Variants in KCNIP4 observed in about 807,000 individuals in gnomAD.
KCNIP4 encodes potassium voltage-gated channel interacting protein 4, also known as Kv channel-interacting protein 4.
In KCNIP4, 12 loss-of-function variants were observed where a neutral mutation model predicts 34.0. The observed-to-expected ratio is 0.35, with a 90% CI of 0.23 to 0.57. The LOEUF is 0.57. Among genes scored for constraint, KCNIP4 ranks in the 20% least tolerant of loss-of-function variants. The pLI, the probability that KCNIP4 is intolerant of heterozygous loss-of-function variation, is 0.83. For missense variants in KCNIP4, 238 were observed against 311.7 expected (o/e 0.76, Z 1.78); for synonymous variants, 124 against 102.2 (o/e 1.21, Z -1.29).
chr4:21,688,639 G>A (rs1042480054), intron 1 of KCNIP4, among the ~76,000 whole-genome samples: 1 of 152,078 alleles, frequency 6.6e-6, no homozygotes, highest in Non-Finnish European at 1.5e-5. Flanking sequence ...GTGTTTAATT[G>A]ATAAAATGCA....
intron 1 of KCNIP4, among the ~76,000 whole-genome samples, chr4:21,733,684 A>G (rs1032709027): frequency 1.3e-5 from 2 of 152,198 alleles, no homozygotes; most frequent in Non-Finnish European, 2.9e-5. Context: ...ACACTTGCTC[A>G]TGAATATCCG....
intron 1 of KCNIP4, among the ~76,000 whole-genome samples, chr4:20,944,434 C>A (rs1731975532): frequency 6.6e-6 from 1 of 152,208 alleles, no homozygotes; most frequent in Non-Finnish European, 1.5e-5. Context: ...TTACACACCC[C>A]TCCATGACTG....
intron 1 of KCNIP4, among the ~76,000 whole-genome samples, chr4:21,278,634 A>G (rs79991996): frequency 0.04 from 6,161 of 152,236 alleles, 399 homozygotes; most frequent in African/African-American, 0.13. Context: ...AAAATGTAGT[A>G]CATATACACC....
intron 1 of KCNIP4, among the ~76,000 whole-genome samples, chr4:21,185,098 G>C (rs1331406795): frequency 6.6e-6 from 1 of 152,106 alleles, no homozygotes; most frequent in Non-Finnish European, 1.5e-5. Context: ...TATTGTATAA[G>C]ACAGAATACA....
intron 1 of KCNIP4, among the ~76,000 whole-genome samples, chr4:21,695,375 C>A (rs1429456610): frequency 6.6e-6 from 1 of 151,684 alleles, no homozygotes. Flanking sequence ...TATGTTACTA[C>A]TTTATGATAA....
chr4:21,139,366 G>C (rs933556735), intron 1 of KCNIP4, among the ~76,000 whole-genome samples: 4 of 152,206 alleles, frequency 2.6e-5, no homozygotes, highest in African/African-American at 9.6e-5. Flanking sequence ...AGTACTTCAG[G>C]TAAAATGGGA....
intron 1 of KCNIP4, among the ~76,000 whole-genome samples, chr4:21,053,558 A>C (rs1743121666): frequency 6.6e-6 from 1 of 152,228 alleles, no homozygotes; most frequent in Admixed American, 6.5e-5. Flanking sequence ...ACACCTTGTA[A>C]ATGAAGAAAT....
chr4:21,714,788 T>C (rs199798774), intron 1 of KCNIP4, among the ~76,000 whole-genome samples: 465 of 2,272 alleles, frequency 0.2, 39 homozygotes, highest in East Asian at 0.41. Context: ...TCCCTTTGAT[T>C]ATTTTATTTT....
chr4:20,813,287 A>G (rs1020117256), intron 3 of KCNIP4, among the ~76,000 whole-genome samples: 6 of 152,192 alleles, frequency 3.9e-5, no homozygotes, highest in African/African-American at 1.2e-4. Flanking sequence ...AAACCTCAAC[A>G]AAGGGGCAAA....
chr4:21,331,541 A>G (rs1297285672), intron 1 of KCNIP4, among the ~76,000 whole-genome samples: 2 of 152,158 alleles, frequency 1.3e-5, no homozygotes, highest in Non-Finnish European at 2.9e-5. Flanking sequence ...TGTATTGAGT[A>G]AGCAAAATTG....
At chr4:21,622,121 T>C (rs566273266) in intron 1 of KCNIP4, among the ~76,000 whole-genome samples, 1 of 152,338 alleles carries the variant, frequency 6.6e-6, no homozygotes, top group Admixed American at 6.5e-5. Flanking sequence ...GATGTATCTT[T>C]AGCCTGGAAT....
At chr4:21,556,920 C>CAAAAAAAAAACAAAAACAAAAAAAAAA (rs1281543089) in intron 1 of KCNIP4, among the ~76,000 whole-genome samples, 2 of 35,664 alleles carry the variant, frequency 5.6e-5, no homozygotes, top group African/African-American at 2.1e-4. Context: ...GACTCCATCT[C>CAAAAAAAAAACAAAAACAAAAAAAAAA]AGAAAAAAAA....
chr4:20,967,628 T>C (rs191469297), intron 1 of KCNIP4, among the ~76,000 whole-genome samples: 3,625 of 152,242 alleles, frequency 0.024, 148 homozygotes, highest in African/African-American at 0.083. Context: ...TAACACCGTA[T>C]GTCTACAACC....
chr4:21,322,800 T>A (rs1475191003), intron 1 of KCNIP4, among the ~76,000 whole-genome samples: 1 of 152,082 alleles, frequency 6.6e-6, no homozygotes, highest in East Asian at 1.9e-4. Flanking sequence ...ATTAAAAATC[T>A]GGTGTCAAAG....
chr4:20,961,642 C>T (rs754472048), intron 1 of KCNIP4, among the ~76,000 whole-genome samples: 4 of 152,052 alleles, frequency 2.6e-5, no homozygotes, highest in African/African-American at 4.8e-5. Flanking sequence ...AACTACAAAG[C>T]GCTGGTGTGG....
At position 21,088,613 on chromosome 4, in the gene KCNIP4, C is replaced by T. The variant is rs183714903; in HGVS notation, c.62-205904G>A. Among the ~76,000 whole-genome samples the T allele has an allele frequency of 1.2e-4, 19 of 152,274 alleles. No individual in the cohort carries two copies. The Middle Eastern group carries it at 0.02, about 164-fold the overall frequency. On this transcript the variant is annotated intron_variant, in intron 1 of 8. Coordinates refer to ENST00000382152, the MANE Select transcript of KCNIP4 (RefSeq NM_025221.6). ...ATGATTCATTATTTCCTCTGTGTTC[C>T]AGCCCAACTAACCTTTCCATTTCTT... is the stretch of plus-strand genomic sequence containing the variant.
At chr4:21,725,232 T>C (rs1349756715) in intron 1 of KCNIP4, among the ~76,000 whole-genome samples, 1 of 152,122 alleles carries the variant, frequency 6.6e-6, no homozygotes, top group Non-Finnish European at 1.5e-5. Context: ...ATTTCAAAAC[T>C]TCCTATACAA....
intron 1 of KCNIP4, among the ~76,000 whole-genome samples, chr4:21,664,486 C>A (rs1402606189): frequency 6.6e-6 from 1 of 151,720 alleles, no homozygotes; most frequent in Non-Finnish European, 1.5e-5. Flanking sequence ...AATATTTCTG[C>A]TTGCCATCTT....
chr4:21,383,415 A>G (rs527283391), intron 1 of KCNIP4, among the ~76,000 whole-genome samples: 1 of 150,878 alleles, frequency 6.6e-6, no homozygotes, highest in Admixed American at 6.6e-5. Context: ...GTGCTATGGG[A>G]CACCTACCCT....
Sources: allele counts gnomAD v4.1 joint callset (sites outside exome capture counted in the v4.1 genomes callset), GRCh38; gene constraint gnomAD v4.1.1; transcripts MANE v1.5; gene names NCBI Gene and HGNC (gene_info 2026-07-23, HGNC 2026-07-21).